The following DLGAP2 variants were observed in gnomAD, a reference collection of about 807,000 sequenced individuals.
DLGAP2 encodes disks large-associated protein 2.
DLGAP2 carries 26 observed loss-of-function variants against 100.3 expected under a neutral mutation model. The ratio of observed to expected loss-of-function variants is 0.26; its 90% confidence interval spans 0.19 to 0.36. The LOEUF is 0.36. Ranked by LOEUF, DLGAP2 falls within the 10% of genes least tolerant of loss-of-function variation. The pLI is 1.00. For missense variants in DLGAP2, 1,858 were observed against 1,453.2 expected (o/e 1.28, Z -4.53); for synonymous variants, 886 against 630.1 (o/e 1.41, Z -6.08).
At chr8:1,063,518 TG>T (rs1803151834) in intron 2 of DLGAP2, among the ~76,000 whole-genome samples, 1 of 97,448 alleles carries the variant, frequency 1.0e-5, no homozygotes, top group Non-Finnish European at 2.0e-5. Context: ...CTTAGTATAC[TG>T]GCTTTTTTTT....
At chr8:1,039,074 T>G (rs1802217385) in intron 2 of DLGAP2, among the ~76,000 whole-genome samples, 1 of 152,186 alleles carries the variant, frequency 6.6e-6, no homozygotes, top group African/African-American at 2.4e-5. Flanking sequence ...CTTTATAAAA[T>G]GGAAACAATC....
chr8:1,339,265 G>A (rs1431810020), intron 3 of DLGAP2, among the ~76,000 whole-genome samples: 1 of 151,436 alleles, frequency 6.6e-6, no homozygotes, highest in African/African-American at 2.4e-5. Context: ...CGAGGCGTCA[G>A]GACCCGGGAG....
intron 2 of DLGAP2, among the ~76,000 whole-genome samples, chr8:1,012,914 G>T (rs913001515): frequency 6.6e-6 from 1 of 152,070 alleles, no homozygotes; most frequent in African/African-American, 2.4e-5. Flanking sequence ...CCTGGCGATT[G>T]CATCTGTGTG....
At chr8:1,457,555 T>G (rs983727484) in intron 3 of DLGAP2, among the ~76,000 whole-genome samples, 1 of 152,250 alleles carries the variant, frequency 6.6e-6, no homozygotes, top group Non-Finnish European at 1.5e-5. Flanking sequence ...AAACTTTAAT[T>G]CTGATAAGAC....
chr8:1,346,165 G>C (rs1257688952), intron 3 of DLGAP2, among the ~76,000 whole-genome samples: 2 of 152,216 alleles, frequency 1.3e-5, no homozygotes, highest in African/African-American at 4.8e-5. Context: ...GATGGTAACT[G>C]TGTGGAGTTT....
rs1193449617 is a variant in DLGAP2 at position 1,647,438 on chromosome 8, G to A, written c.1810+14392G>A. On this transcript the variant is annotated intron_variant, in intron 8 of 14. Transcript: ENST00000637795. Reference sequence around the variant, plus strand: ...CGGGAGGCAGAGCTTGCAGTGAGCCGAGATCGCGCCACTGCACTCCAGCCT... The same window carrying A: ...CGGGAGGCAGAGCTTGCAGTGAGCCAAGATCGCGCCACTGCACTCCAGCCT... Among the ~76,000 whole-genome samples, 9 of 132,710 alleles carry A rather than the reference G, an allele frequency of 6.8e-5. No individual in the cohort carries two copies. The Admixed American group carries it at 8.3e-4, about 12-fold the overall frequency. 87.1% of individuals were successfully genotyped at this position (132,710 alleles called of 152,430 possible). A position where few individuals can be genotyped will look rare whatever the true frequency, so the allele number is the denominator to read the frequency against.
At chr8:789,141 G>C (rs889599639) in intron 1 of DLGAP2, among the ~76,000 whole-genome samples, 6 of 152,194 alleles carry the variant, frequency 3.9e-5, no homozygotes, top group Admixed American at 3.3e-4. Flanking sequence ...TCTAGAGCTT[G>C]TCCTTCTGTT....
chr8:1,669,448 T>G (rs1441798589), intron 9 of DLGAP2, among the ~76,000 whole-genome samples: 2 of 152,238 alleles, frequency 1.3e-5, no homozygotes, highest in African/African-American at 4.8e-5. Flanking sequence ...AGCGCATCCC[T>G]CCGGGATCTG....
At chr8:1,020,306 C>T (rs529384066) in intron 2 of DLGAP2, among the ~76,000 whole-genome samples, 1 of 152,262 alleles carries the variant, frequency 6.6e-6, no homozygotes, top group African/African-American at 2.4e-5. Flanking sequence ...CCTGAGAGAA[C>T]GTTTGTATTC....
intron 6 of DLGAP2, among the ~76,000 whole-genome samples, chr8:1,625,008 C>G (rs998838766): frequency 6.6e-6 from 1 of 152,060 alleles, no homozygotes; most frequent in Non-Finnish European, 1.5e-5. Flanking sequence ...AATGAATAAG[C>G]TTCACTTAAT....
chr8:1,329,638 A>G (rs746987315), intron 3 of DLGAP2, among the ~76,000 whole-genome samples: 9 of 152,134 alleles, frequency 5.9e-5, no homozygotes, highest in Non-Finnish European at 1.2e-4. Flanking sequence ...GGGAATGAAC[A>G]TGGGCCCTAA....
chr8:778,899 C>T (rs1821605635), intron 1 of DLGAP2, among the ~76,000 whole-genome samples: 1 of 152,232 alleles, frequency 6.6e-6, no homozygotes, highest in African/African-American at 2.4e-5. Context: ...GCTTTGTTTA[C>T]CTAAGCAAGC....
intron 6 of DLGAP2, among the ~76,000 whole-genome samples, chr8:1,606,126 G>A (rs868739853): frequency 6.6e-6 from 1 of 152,120 alleles, no homozygotes; most frequent in African/African-American, 2.4e-5. Flanking sequence ...GAGAAAAGAC[G>A]AACTGAAGGT....
chr8:1,215,029 C>A (rs1248951541), intron 2 of DLGAP2, among the ~76,000 whole-genome samples: 1 of 152,130 alleles, frequency 6.6e-6, no homozygotes, highest in Non-Finnish European at 1.5e-5. Context: ...GTCTAAGTCT[C>A]ATGGAAATAG....
chr8:1,671,026 A>C (rs181149037), intron 10 of DLGAP2, among the ~76,000 whole-genome samples: 1 of 152,274 alleles, frequency 6.6e-6, no homozygotes, highest in East Asian at 1.9e-4. Flanking sequence ...GCACCATTTA[A>C]TCCTTACAAT....
intron 8 of DLGAP2, among the ~76,000 whole-genome samples, chr8:1,636,374 T>C (rs1176248387): frequency 6.6e-6 from 1 of 152,228 alleles, no homozygotes; most frequent in Admixed American, 6.5e-5. Flanking sequence ...TTATTATTTA[T>C]ATTTCTATAG....
At chr8:1,633,073 C>T in intron 8 of DLGAP2, 27 bp downstream of exon 8, 1 of 1,612,472 alleles carries the variant, frequency 6.2e-7, no homozygotes, top group South Asian at 1.1e-5. Flanking sequence ...TTCAGCCTTC[C>T]AGCGGGGACT....
At chr8:1,239,321 C>T (rs1244097840) in intron 2 of DLGAP2, among the ~76,000 whole-genome samples, 5 of 7,082 alleles carry the variant, frequency 7.1e-4, no homozygotes, top group African/African-American at 1.2e-3. Context: ...TGGCACCGTG[C>T]CTAGTTCTGT....
chr8:1,380,598 G>A (rs1796069305), intron 3 of DLGAP2, among the ~76,000 whole-genome samples: 2 of 152,054 alleles, frequency 1.3e-5, no homozygotes, highest in South Asian at 4.2e-4. Context: ...CCACATGAAG[G>A]ATCAGCATGA....
Sources: allele counts gnomAD v4.1 joint callset (sites outside exome capture counted in the v4.1 genomes callset), GRCh38; gene constraint gnomAD v4.1.1; transcripts MANE v1.5; gene names NCBI Gene and HGNC (gene_info 2026-07-23, HGNC 2026-07-21).